The following CLEC18B variants were observed in gnomAD, a reference collection of about 807,000 sequenced individuals.
CLEC18B encodes the protein mannose receptor-like 2.
In CLEC18B, 5 loss-of-function variants were observed where a neutral mutation model predicts 60.4. That is an observed-to-expected ratio of 0.08 (90% CI 0.04 to 0.17). CLEC18B has a LOEUF of 0.17. Among genes scored for constraint, CLEC18B ranks in the 10% least tolerant of loss-of-function variants. CLEC18B has a pLI of 1.00. For missense variants in CLEC18B, 26 were observed against 572.8 expected (o/e 0.05, Z 9.74); for synonymous variants, 16 against 221.2 (o/e 0.07, Z 8.23).
chr16:74,423,827 G>T (rs540476944), upstream of CLEC18B, among the ~76,000 whole-genome samples: 5 of 152,230 alleles, frequency 3.3e-5, no homozygotes. Context: ...TGACCCTGAG[G>T]ATGGCACTCC....
Position 74,408,826 on chromosome 16 carries a change from C to T in CLEC18B, c.*180G>A, listed in dbSNP as rs2142722735. ...GCCCCAGCTTCTTCTAACACTCACT[C>T]CCTGGCCCTCACTGGCCTCCCTGCC... On this transcript the variant is annotated 3_prime_UTR_variant, in exon 12 of 12. Transcript: ENST00000682950. The T allele has an allele frequency of 1.6e-6, 1 of 609,256 alleles. No individual in the cohort carries two copies. Among genetic ancestry groups the T allele is most frequent in the South Asian group, 2.0e-5 (1 of 50,522 alleles). 37.7% of individuals were successfully genotyped at this position (609,256 alleles called of 1,614,324 possible).
At position 74,421,430 on chromosome 16, in the gene CLEC18B, G is replaced by C; in HGVS notation, c.-160C>G. The C allele has an allele frequency of 6.6e-7, 1 of 1,516,956 alleles. No homozygotes were observed. The highest frequency in any genetic ancestry group is 8.9e-7 in the Non-Finnish European group (1 of 1,126,490). The allele number at this position is 1,516,956 out of a possible 1,614,324, so 94.0% of individuals were successfully genotyped here. On this transcript the variant is annotated 5_prime_UTR_variant, in exon 1 of 12. Coordinates refer to ENST00000682950, the MANE Select transcript of CLEC18B (RefSeq NM_001385193.1). ...ACAAAAGAAGGAGGCTGGTGAGTGA[G>C]TAATCAGTGTGTCCAGACAGCCTCC...
chr16:74,414,391 G>T (rs546669023), intron 3 of CLEC18B, among the ~76,000 whole-genome samples: 1 of 152,100 alleles, frequency 6.6e-6, no homozygotes, highest in South Asian at 2.1e-4. Flanking sequence ...CTCTTTCCTT[G>T]CTCCTTGAAT....
At chr16:74,423,821 CCT>C (rs1384214327), upstream of CLEC18B, among the ~76,000 whole-genome samples, 3 of 152,172 alleles carry the variant, frequency 2.0e-5, no homozygotes, top group African/African-American at 7.2e-5. Flanking sequence ...GCTGTGTGAC[CCT>C]GAGGATGGCA....
chr16:74,423,882 C>T (rs2013758186), upstream of CLEC18B, among the ~76,000 whole-genome samples: 1 of 152,228 alleles, frequency 6.6e-6, no homozygotes, highest in African/African-American at 2.4e-5. Context: ...TGGGATGACC[C>T]CTCTGCTGGG....
chr16:74,419,153 G>A (rs2013559062), intron 2 of CLEC18B, among the ~76,000 whole-genome samples: 2 of 152,276 alleles, frequency 1.3e-5, no homozygotes, highest in African/African-American at 4.8e-5. Flanking sequence ...ACTTGGTGCA[G>A]TCCCCTGATC....
rs1213894453 is a variant in CLEC18B, at chr16:74,419,219, G to A, written c.217-921C>T. 4.6e-5 allele frequency among the ~76,000 whole-genome samples: 7 copies of A among 152,398 alleles called. No homozygotes were observed. The East Asian group carries it at 1.4e-3, about 29-fold the overall frequency. The stretch of plus-strand genomic sequence containing the variant: ...GGAGCAGGGAGGTGCCTGCAGGATA[G>A]GACTCACAAGCACAGAGTGGATGCA... On this transcript the variant is annotated intron_variant, in intron 2 of 11. Transcript: ENST00000682950.
chr16:74,423,994 G>A (rs1326011289), upstream of CLEC18B, among the ~76,000 whole-genome samples: 1 of 152,204 alleles, frequency 6.6e-6, no homozygotes, highest in African/African-American at 2.4e-5. Context: ...TTGGAGAATG[G>A]GCAGCCTCAT....
chr16:74,419,133 C>A (rs1479471858), intron 2 of CLEC18B, among the ~76,000 whole-genome samples: 1 of 152,282 alleles, frequency 6.6e-6, no homozygotes, highest in African/African-American at 2.4e-5. Flanking sequence ...GCAATCACCA[C>A]CCCTGGGTGA....
chr16:74,420,144 C>A (rs2013614698), intron 2 of CLEC18B, among the ~76,000 whole-genome samples: 2 of 150,924 alleles, frequency 1.3e-5, no homozygotes. Context: ...CCTGGCCCGG[C>A]CGCCCATCCT....
At chr16:74,423,895 C>T (rs1404899641), upstream of CLEC18B, among the ~76,000 whole-genome samples, 1 of 152,220 alleles carries the variant, frequency 6.6e-6, no homozygotes, top group Non-Finnish European at 1.5e-5. Context: ...CTGCTGGGCC[C>T]CTAACCAGGG....
intron 3 of CLEC18B, among the ~76,000 whole-genome samples, chr16:74,416,420 T>G (rs2013418708): frequency 1.3e-5 from 2 of 152,236 alleles, no homozygotes; most frequent in Non-Finnish European, 2.9e-5. Flanking sequence ...CTGCCCAGGC[T>G]GGAGTGCAAT....
chr16:74,420,159 G>A (rs556105693), intron 2 of CLEC18B, among the ~76,000 whole-genome samples: 1 of 149,838 alleles, frequency 6.7e-6, no homozygotes, highest in Non-Finnish European at 1.5e-5. Flanking sequence ...CATCCTGCAG[G>A]GCTCCTCGTG....
Position 74,410,550 on chromosome 16 carries a change from C to G in CLEC18B, c.1197G>C (p.Gln399His). Residue 399 changes from glutamine (Q) to histidine (H), a missense_variant, in exon 10 of 12, where the codon CAG becomes CAC. Coordinates refer to ENST00000682950, the MANE Select transcript of CLEC18B (RefSeq NM_001385193.1). ...CCCACACTTACCCGTGGTTGTCAGG[C>G]TGCCCAAAGGCAAAACTGGTGAAGG... is the stretch of plus-strand genomic sequence containing the variant. ...HQAFTSFAFGQPDNHGFGNCV... is the reference protein window; with the variant it reads ...HQAFTSFAFGHPDNHGFGNCV... The G allele has an allele frequency of 1.2e-6, 2 of 1,610,232 alleles. No individual in the cohort carries two copies. Among genetic ancestry groups the G allele is most frequent in the African/African-American group, 2.7e-5 (2 of 74,990 alleles).
chr16:74,416,076 C>T (rs1265813716), intron 3 of CLEC18B, among the ~76,000 whole-genome samples: 246 of 151,676 alleles, frequency 1.6e-3, no homozygotes, highest in African/African-American at 5.3e-3. Context: ...CTGGCTAATA[C>T]GGTGAAACCC....
chr16:74,410,375 C>G (rs1304173155), intron 10 of CLEC18B, among the ~76,000 whole-genome samples, 161 bp downstream of exon 10: 225 of 151,808 alleles, frequency 1.5e-3, no homozygotes, highest in African/African-American at 4.9e-3. Flanking sequence ...CACCCCACCA[C>G]CGGCCCACAC....
chr16:74,416,046 G>T (rs1392664578), intron 3 of CLEC18B, among the ~76,000 whole-genome samples: 5 of 152,254 alleles, frequency 3.3e-5, no homozygotes, highest in African/African-American at 9.6e-5. Context: ...GGATCATGAG[G>T]TCAGGAGATC....
At chr16:74,421,825 C>G (rs2013700049), upstream of CLEC18B, 1 of 145,890 alleles carries the variant, frequency 6.9e-6, no homozygotes, top group South Asian at 2.3e-4. Flanking sequence ...GAAGCTCGTC[C>G]CAACCCCCCA....
intron 2 of CLEC18B, 66 bp downstream of exon 2, chr16:74,420,435 G>GCCGC: frequency 1.7e-6 from 1 of 576,430 alleles, no homozygotes; most frequent in Non-Finnish European, 3.1e-6. Context: ...GGCCTCCTGA[G>GCCGC]CCGCCCTCTG....
Sources: allele counts gnomAD v4.1 joint callset (sites outside exome capture counted in the v4.1 genomes callset), GRCh38; gene constraint gnomAD v4.1.1; transcripts MANE v1.5; gene names NCBI Gene and HGNC (gene_info 2026-07-23, HGNC 2026-07-21).